LIPA: variants seen among roughly 807,000 people sequenced by gnomAD.
LIPA encodes lysosomal acid lipase/cholesteryl ester hydrolase.
LIPA carries 26 observed loss-of-function variants against 40.6 expected under a neutral mutation model. The ratio of observed to expected loss-of-function variants is 0.64; its 90% CI spans 0.47 to 0.89. The LOEUF (loss-of-function observed/expected upper bound fraction) is 0.89. LIPA is among the 40% of genes least tolerant of loss of function. The pLI, the probability that LIPA is intolerant of heterozygous loss-of-function variation, is 0.00. For missense variants in LIPA, 455 were observed against 479.6 expected (o/e 0.95, Z 0.48); for synonymous variants, 188 against 168.4 (o/e 1.12, Z -0.90).
intron 1 of LIPA, chr10:89,306,210 A>G: frequency 1.2e-6 from 2 of 1,614,206 alleles, no homozygotes; most frequent in Non-Finnish European, 1.7e-6. Flanking sequence ...CAGCAAGAGC[A>G]TGCTGACCAG....
At chr10:89,221,235 A>C (rs955276205) in intron 8 of LIPA, among the ~76,000 whole-genome samples, 4 of 152,092 alleles carry the variant, frequency 2.6e-5, no homozygotes, top group Non-Finnish European at 5.9e-5. Flanking sequence ...TTTTTAAAAT[A>C]ATAAAACGAC....
intron 2 of LIPA, chr10:89,383,379 A>G: frequency 6.2e-7 from 1 of 1,614,224 alleles, no homozygotes; most frequent in Non-Finnish European, 8.5e-7. Context: ...GTCACTTTAC[A>G]TGGAAGTTGT....
intron 2 of LIPA, among the ~76,000 whole-genome samples, chr10:89,359,060 C>T (rs1844004683): frequency 6.6e-6 from 1 of 152,138 alleles, no homozygotes; most frequent in African/African-American, 2.4e-5. Context: ...CATCAGCCAG[C>T]AGGTGTCAGG....
At chr10:89,335,482 T>G (rs540495005) in intron 1 of LIPA, 1 of 151,032 alleles carries the variant, frequency 6.6e-6, no homozygotes, top group African/African-American at 2.4e-5. Context: ...GAGCTATAAG[T>G]GCTTAAAATT....
chr10:89,392,001 T>C (rs985300238), intron 2 of LIPA, among the ~76,000 whole-genome samples: 1 of 152,182 alleles, frequency 6.6e-6, no homozygotes, highest in Non-Finnish European at 1.5e-5. Context: ...GATGGAGCAA[T>C]AGAGGGCTCT....
At chr10:89,295,927 A>G (rs1489840977) in intron 1 of LIPA, among the ~76,000 whole-genome samples, 1 of 152,228 alleles carries the variant, frequency 6.6e-6, no homozygotes, top group Admixed American at 6.5e-5. Flanking sequence ...CTGCTGTGGT[A>G]ACATTATATA....
At chr10:89,395,384 C>T (rs1208217751) in intron 2 of LIPA, among the ~76,000 whole-genome samples, 1 of 152,224 alleles carries the variant, frequency 6.6e-6, no homozygotes, top group African/African-American at 2.4e-5. Context: ...GGCATGTCCT[C>T]AATGGCTCCC....
chr10:89,374,193 A>G (rs879373933), intron 2 of LIPA, among the ~76,000 whole-genome samples: 5 of 152,212 alleles, frequency 3.3e-5, no homozygotes, highest in Non-Finnish European at 7.3e-5. Flanking sequence ...TCGAACACAG[A>G]GCTGGTTCTG....
intron 2 of LIPA, chr10:89,392,661 G>A: frequency 1.2e-6 from 2 of 1,609,916 alleles, no homozygotes; most frequent in Non-Finnish European, 1.7e-6. Flanking sequence ...AGATCTCAGA[G>A]GAGCCTGGCT....
rs145801766 is a variant in LIPA at position 89,413,487 on chromosome 10, G to T, written c.-71-565C>A. Among the ~76,000 whole-genome samples the T allele has an allele frequency of 1.4e-3, 211 of 152,288 alleles. 2 individuals carry two copies. Among genetic ancestry groups the T allele is most frequent in the African/African-American group, 5.0e-3 (206 of 41,562 alleles). On this transcript the variant is annotated intron_variant, in intron 1 of 8. Coordinates refer to the LIPA transcript ENST00000371837. ...AGGCCAAGCATAGTGGCTCATGCCT[G>T]TAATCCCAGCATTTTGGGAGGCCAC...
At chr10:89,255,673 A>G (rs968731151), upstream of LIPA, among the ~76,000 whole-genome samples, 1 of 152,236 alleles carries the variant, frequency 6.6e-6, no homozygotes, top group African/African-American at 2.4e-5. Flanking sequence ...TATGAGAGGG[A>G]CAGTAGCATC....
At chr10:89,344,969 C>A (rs1290381389), upstream of LIPA, among the ~76,000 whole-genome samples, 3 of 152,016 alleles carry the variant, frequency 2.0e-5, no homozygotes, top group Non-Finnish European at 4.4e-5. Flanking sequence ...GAGTTAGAGA[C>A]CAGCCTGGCC....
At chr10:89,371,431 A>G (rs1470292383) in intron 2 of LIPA, among the ~76,000 whole-genome samples, 2 of 152,238 alleles carry the variant, frequency 1.3e-5, no homozygotes, top group South Asian at 2.1e-4. Context: ...AATGTCTTCT[A>G]TGAGCCTCAC....
At chr10:89,267,392 A>T (rs1271407976) in intron 1 of LIPA, among the ~76,000 whole-genome samples, 1 of 152,180 alleles carries the variant, frequency 6.6e-6, no homozygotes, top group Non-Finnish European at 1.5e-5. Flanking sequence ...ATTCCTTAGT[A>T]GACTGACACA....
intron 1 of LIPA, among the ~76,000 whole-genome samples, chr10:89,297,204 T>G (rs1039135789): frequency 2.0e-5 from 3 of 152,024 alleles, no homozygotes; most frequent in Non-Finnish European, 2.9e-5. Flanking sequence ...TGAGAGAACT[T>G]CAGCAGTCCA....
chr10:89,386,171 C>A (rs576340275), intron 2 of LIPA, among the ~76,000 whole-genome samples: 1 of 152,130 alleles, frequency 6.6e-6, no homozygotes, highest in Non-Finnish European at 1.5e-5. Flanking sequence ...ACCTGAGTAG[C>A]CAAAACCATA....
At position 89,226,912 on chromosome 10, in the gene LIPA, G is replaced by A. The variant is rs1842777072; in HGVS notation, c.521C>T (p.Ser174Phe). Residue 174 changes from serine (S) to phenylalanine (F), a missense_variant, in exon 5 of 10, where the codon TCT becomes TTT. By Grantham distance (155) the Ser-to-Phe change is radical (BLOSUM62 -2). Transcript: ENST00000336233. The stretch of plus-strand genomic sequence containing the variant: ...ATACATACCTATAGTGGTGCCTTGA[G>A]AATGACCCACATAATACACTTGTTC... Reference protein sequence around the residue: ...GQEQVYYVGHSQGTTIGFIAF... With the variant: ...GQEQVYYVGHFQGTTIGFIAF... 6.3e-7 allele frequency: 1 copy of A among 1,589,970 alleles called. No homozygotes were observed.
At chr10:89,377,758 A>T (rs1005368333) in intron 2 of LIPA, among the ~76,000 whole-genome samples, 1 of 152,198 alleles carries the variant, frequency 6.6e-6, no homozygotes, top group Non-Finnish European at 1.5e-5. Context: ...GATTCACAAA[A>T]ATATACGTTC....
intron 1 of LIPA, among the ~76,000 whole-genome samples, chr10:89,331,925 G>A (rs987595883): frequency 1.3e-5 from 2 of 150,668 alleles, no homozygotes; most frequent in Admixed American, 6.6e-5. Flanking sequence ...TGAGGTCTAC[G>A]TTTTAATAAA....
Sources: gnomAD v4.1 joint callset for allele counts (sites outside exome capture counted in the v4.1 genomes callset) on GRCh38, gnomAD v4.1.1 for gene constraint, MANE v1.5 for transcripts, NCBI Gene and HGNC (gene_info 2026-07-23, HGNC 2026-07-21) for gene names.